Variants in SLCO3A1 observed in about 807,000 individuals in gnomAD.
The protein encoded by SLCO3A1 is solute carrier organic anion transporter family member 3A1, also known as PGE1 transporter.
A neutral mutation model predicts 63.1 loss-of-function variants in SLCO3A1; 27 were observed. That is an observed-to-expected ratio of 0.43 (90% CI 0.32 to 0.59). The LOEUF (loss-of-function observed/expected upper bound fraction) is 0.59. Ranked by LOEUF, SLCO3A1 falls within the 20% of genes least tolerant of loss-of-function variation. SLCO3A1 has a pLI of 0.09. For missense variants in SLCO3A1, 773 were observed against 945.8 expected (o/e 0.82, Z 2.40); for synonymous variants, 473 against 409.9 (o/e 1.15, Z -1.86).
At chr15:92,101,193 C>T (rs1436046323) in intron 3 of SLCO3A1, among the ~76,000 whole-genome samples, 1 of 152,148 alleles carries the variant, frequency 6.6e-6, no homozygotes, top group Admixed American at 6.5e-5. Context: ...TTCACCAAAA[C>T]TAGCCAAAAT....
chr15:92,096,176 A>T (rs1212536820), intron 3 of SLCO3A1, among the ~76,000 whole-genome samples: 1 of 152,046 alleles, frequency 6.6e-6, no homozygotes, highest in Non-Finnish European at 1.5e-5. Context: ...CTTGGGGAGG[A>T]TCCACTTCCA....
At chr15:91,922,156 T>C (rs1898869078) in intron 2 of SLCO3A1, among the ~76,000 whole-genome samples, 1 of 151,980 alleles carries the variant, frequency 6.6e-6, no homozygotes, top group Non-Finnish European at 1.5e-5. Flanking sequence ...AACCAGATAA[T>C]TTTGAGTTGT....
At chr15:92,156,197 C>A (rs1047041903) in intron 9 of SLCO3A1, among the ~76,000 whole-genome samples, 1 of 152,222 alleles carries the variant, frequency 6.6e-6, no homozygotes, top group African/African-American at 2.4e-5. Context: ...TTGGAAGAAG[C>A]AAGCACAGCA....
At chr15:92,028,908 AGTGTGTGTGTGTGTGTGTGTGT>A (rs61238614) in intron 2 of SLCO3A1, among the ~76,000 whole-genome samples, 1 of 120,072 alleles carries the variant, frequency 8.3e-6, no homozygotes, top group Non-Finnish European at 1.7e-5. Context: ...TGCAGGCACA[AGTGTGTGTGTGTGTGTGTGTGT>A]GTGTGTGTGT....
rs1036960788 is a variant in SLCO3A1, at chr15:91,865,058, C to T, written c.180+10970C>T. On this transcript the variant is annotated intron_variant, in intron 1 of 9. Coordinates refer to ENST00000318445, the MANE Select transcript of SLCO3A1 (RefSeq NM_013272.4). This position sits in a 1 kb window ranked among gnomAD's most constrained non-coding sequence, Gnocchi z 4.6. ...TCTGCCCCCTCCGTGGTTGGCCACC[C>T]GCTGTCCCTATCCAGTGGATAATGG... 1.3e-5 allele frequency among the ~76,000 whole-genome samples: 2 copies of T among 152,206 alleles called. No individual in the cohort carries two copies. The highest frequency in any genetic ancestry group is 4.8e-5 in the African/African-American group (2 of 41,440).
Position 92,104,263 on chromosome 15 carries a change from C to G in SLCO3A1, c.746-16C>G, listed in dbSNP as rs543453298. On this transcript the variant is annotated splice_polypyrimidine_tract_variant and intron_variant, in intron 3 of 9. Transcript: ENST00000318445. ...GCCTTCTTTTCTCCACTAAGCTGTG[C>G]TCTTTCCATTTACAGGTAACCTGGA... 1.9e-6 allele frequency: 3 copies of G among 1,613,720 alleles called. No homozygotes were observed. Among genetic ancestry groups the G allele is most frequent in the African/African-American group, 2.7e-5 (2 of 75,054 alleles).
At chr15:91,960,407 A>C (rs8026114) in intron 2 of SLCO3A1, among the ~76,000 whole-genome samples, 82,010 of 152,008 alleles carry the variant, frequency 0.54, 22,448 homozygotes, top group East Asian at 0.73. Flanking sequence ...TTGGGTTGTT[A>C]CCACTTTTTC....
intron 1 of SLCO3A1, among the ~76,000 whole-genome samples, chr15:91,892,979 A>AT (rs1308930351): frequency 2.0e-5 from 3 of 152,264 alleles, no homozygotes; most frequent in Non-Finnish European, 4.4e-5. Flanking sequence ...AGCACTTAGT[A>AT]TGATACTTGG....
chr15:91,985,675 G>A (rs192460745), intron 2 of SLCO3A1, among the ~76,000 whole-genome samples: 1 of 152,218 alleles, frequency 6.6e-6, no homozygotes, highest in Admixed American at 6.5e-5. Context: ...TCAGACAATG[G>A]GGTCCCTCAG....
rs1329913857 is a variant in SLCO3A1 at position 91,854,112 on chromosome 15, C to G, written c.180+24C>G. Reference sequence around the variant, plus strand: ...TGGTGAGTCCCCGAGCCAACTCCGCCGCGGGCCCCTTCCCCAGCCCGGCTC... The same window carrying G: ...TGGTGAGTCCCCGAGCCAACTCCGCGGCGGGCCCCTTCCCCAGCCCGGCTC... On this transcript the variant is annotated intron_variant, in intron 1 of 9. Transcript: ENST00000318445. This position sits in a 1 kb window ranked among gnomAD's most constrained non-coding sequence, Gnocchi z 6.4. 6.9e-7 allele frequency: 1 copy of G among 1,454,024 alleles called. No individual in the cohort carries two copies. The allele number at this position is 1,454,024 out of a possible 1,614,324, so 90.1% of individuals were successfully genotyped here.
intron 2 of SLCO3A1, among the ~76,000 whole-genome samples, chr15:92,001,779 G>A (rs569475867): frequency 7.3e-5 from 11 of 151,210 alleles, no homozygotes; most frequent in African/African-American, 2.7e-4. Context: ...CACTTTGCCG[G>A]GCATTTTAGA....
intron 7 of SLCO3A1, among the ~76,000 whole-genome samples, chr15:92,133,292 G>C (rs1445888069): frequency 2.1e-5 from 3 of 146,266 alleles, no homozygotes; most frequent in Non-Finnish European, 4.6e-5. Context: ...TCTTGAAAAA[G>C]GTCAGCATCT....
Position 91,939,418 on chromosome 15 carries a change from G to A in SLCO3A1, c.646+22960G>A, listed in dbSNP as rs117621013. ...CAACTTAACATGAGATTTGGGTGGG[G>A]ACACAGATCATATAGGCGCTATAGC... On this transcript the variant is annotated intron_variant, in intron 2 of 9. Coordinates refer to ENST00000318445, the MANE Select transcript of SLCO3A1 (RefSeq NM_013272.4). Among the ~76,000 whole-genome samples the A allele has an allele frequency of 4.2e-3, 632 of 152,288 alleles. 2 individuals are homozygous for A. Among genetic ancestry groups the A allele is most frequent in the Middle Eastern group, 6.8e-3 (2 of 294 alleles).
chr15:91,998,062 G>C (rs2046212567), intron 2 of SLCO3A1, among the ~76,000 whole-genome samples: 3 of 152,194 alleles, frequency 2.0e-5, no homozygotes, highest in South Asian at 2.1e-4. Context: ...CCAACCTACA[G>C]AATGGGAGAA....
intron 7 of SLCO3A1, among the ~76,000 whole-genome samples, chr15:92,130,562 C>T (rs905342634): frequency 1.3e-5 from 2 of 152,126 alleles, no homozygotes; most frequent in Admixed American, 1.3e-4. Context: ...CAATGCTTAT[C>T]CTGGAAAGGG....
intron 2 of SLCO3A1, among the ~76,000 whole-genome samples, chr15:91,978,719 TTAAAC>T (rs1240520427): frequency 2.0e-5 from 3 of 152,354 alleles, no homozygotes; most frequent in South Asian, 2.1e-4. Flanking sequence ...AGTAGATAGA[TTAAAC>T]TAAACTTATA....
rs114108825 is a variant in SLCO3A1, at chr15:91,979,497, G to T, written c.646+63039G>T. ...CTCAACCTGTATAAATAACCTTAGC[G>T]TGTTGTCTGGCAGTTAGCAGAACCT... On this transcript the variant is annotated intron_variant, in intron 2 of 9. Transcript: ENST00000318445. Among the ~76,000 whole-genome samples the T allele has an allele frequency of 1.6e-3, 248 of 152,242 alleles. 1 individual carries two copies. Among genetic ancestry groups the T allele is most frequent in the African/African-American group, 5.7e-3 (238 of 41,516 alleles).
intron 1 of SLCO3A1, among the ~76,000 whole-genome samples, chr15:91,873,233 A>G (rs539250171): frequency 1.3e-5 from 2 of 152,312 alleles, no homozygotes; most frequent in East Asian, 1.9e-4. Context: ...TGCTGATGGG[A>G]GAGCCATCTA....
At chr15:91,988,323 A>T (rs1319108141) in intron 2 of SLCO3A1, among the ~76,000 whole-genome samples, 1 of 152,234 alleles carries the variant, frequency 6.6e-6, no homozygotes, top group Non-Finnish European at 1.5e-5. Context: ...CCTGGGTGAC[A>T]GAGTGAGGCC....
Sources: allele counts gnomAD v4.1 joint callset (sites outside exome capture counted in the v4.1 genomes callset), GRCh38; gene constraint gnomAD v4.1.1; non-coding constraint Gnocchi (gnomAD v3.1); transcripts MANE v1.5; gene names NCBI Gene and HGNC (gene_info 2026-07-23, HGNC 2026-07-21).